RP1L1: variants seen among roughly 807,000 people sequenced by gnomAD.
The protein encoded by RP1L1 is RP1 like 1.
Under a neutral mutation model 15.7 loss-of-function variants are expected in RP1L1, and 27 were observed. That is an observed-to-expected ratio of 1.72 (90% CI 1.27 to 2.38). The LOEUF is 2.38. Among genes scored for constraint, RP1L1 ranks in the 30% most tolerant of loss-of-function variants. The pLI is 0.00. For synonymous variants in RP1L1, 1,813 were observed against 1,276.7 expected (o/e 1.42, Z -8.96); for missense variants, 4,798 against 3,075.9 (o/e 1.56, Z -13.24).
Position 10,606,771 on chromosome 8 carries a change from T to G in RP1L1, c.*124A>C, listed in dbSNP as rs1797709213. ...TGGCATGGGCTGTGTCCTTGGCAAG[T>G]CCTTGGTCTTTGTCCATGTACTATG... On this transcript the variant is annotated 3_prime_UTR_variant, in exon 4 of 4. Transcript: ENST00000382483. 1 of 1,518,712 alleles carries G rather than the reference T, an allele frequency of 6.6e-7. No individual in the cohort carries two copies. Among genetic ancestry groups the G allele is most frequent in the Non-Finnish European group, 8.8e-7 (1 of 1,131,170 alleles). 94.1% of individuals were successfully genotyped at this position (1,518,712 alleles called of 1,614,324 possible).
chr8:10,630,618 A>G (rs1366592457), intron 1 of RP1L1, among the ~76,000 whole-genome samples: 1 of 152,218 alleles, frequency 6.6e-6, no homozygotes, highest in Non-Finnish European at 1.5e-5. Flanking sequence ...ACCTCCCGGC[A>G]GGCAGCCTCC....
chr8:10,630,054 G>C (rs978705091), intron 1 of RP1L1, among the ~76,000 whole-genome samples: 1 of 152,146 alleles, frequency 6.6e-6, no homozygotes, highest in Non-Finnish European at 1.5e-5. Flanking sequence ...AGGGTGGTGA[G>C]GGGGTCTCCT....
In RP1L1 at chr8:10,623,006, C is replaced by T. The variant is rs760478436; in HGVS notation, c.196G>A (p.Asp66Asn). Residue 66 changes from aspartate (D) to asparagine (N), a missense_variant, in exon 2 of 4, where the codon GAC (aspartate) becomes AAC (asparagine). Coordinates refer to ENST00000382483, the MANE Select transcript of RP1L1 (RefSeq NM_178857.6). ...AGAGGCACGCGCTGGGAGAGCTCGT[C>T]CATGAGGGCGCTGAAGGTCTTAAAG... Reference protein sequence around the residue: ...RAFKTFSALMDELSQRVPLSF... With the variant: ...RAFKTFSALMNELSQRVPLSF... 1.2e-6 allele frequency: 2 copies of T among 1,614,134 alleles called. No homozygotes were observed. Among genetic ancestry groups the T allele is most frequent in the East Asian group, 2.2e-5 (1 of 44,880 alleles).
At chr8:10,645,250 C>A (rs1421763231) in intron 1 of RP1L1, among the ~76,000 whole-genome samples, 2 of 152,126 alleles carry the variant, frequency 1.3e-5, no homozygotes, top group African/African-American at 4.8e-5. Context: ...TCGCCTGAAC[C>A]CAGAAGATTG....
rs528558782 is a variant in RP1L1, at chr8:10,631,698, G to A, written c.-19-8478C>T. Among the ~76,000 whole-genome samples, 7 of 152,258 alleles carry A rather than the reference G, an allele frequency of 4.6e-5. No homozygotes were observed. The East Asian group carries it at 1.4e-3, about 29-fold the overall frequency. On this transcript the variant is annotated intron_variant, in intron 1 of 3. Coordinates refer to ENST00000382483, the MANE Select transcript of RP1L1 (RefSeq NM_178857.6). The stretch of plus-strand genomic sequence containing the variant: ...CAAGGCTGGAGCTGGCTCTCAGACC[G>A]CAAGCGCTGGGTTCTCTCTGCCAGT...
At chr8:10,617,177 C>T (rs567781863) in intron 2 of RP1L1, among the ~76,000 whole-genome samples, 2 of 152,108 alleles carry the variant, frequency 1.3e-5, no homozygotes, top group East Asian at 3.9e-4. Context: ...ATCAGAATGT[C>T]CCCTATGCAC....
rs1405044965 is a variant in RP1L1, at chr8:10,609,106, C to A, written c.4992G>T (p.Arg1664Ser). ...EEFCPCEACVRKKVSPMSPKA... is the reference protein window; with the variant it reads ...EEFCPCEACVSKKVSPMSPKA... ...TGGGGGACATAGGGCTCACTTTCTTCCTCACGCAGGCCTCGCAGGGACAGA... is the reference window on the plus strand; with the variant it reads ...TGGGGGACATAGGGCTCACTTTCTTACTCACGCAGGCCTCGCAGGGACAGA... The change falls in exon 4 of 4, where the codon AGG (arginine) becomes AGT (serine). Residue 1664 changes from arginine to serine, a missense_variant. Physicochemically the swap from Arg to Ser is moderately radical, Grantham distance 110. Coordinates refer to ENST00000382483, the MANE Select transcript of RP1L1 (RefSeq NM_178857.6). 1 of 1,613,618 alleles carries A rather than the reference C, an allele frequency of 6.2e-7. No individual in the cohort carries two copies. Among genetic ancestry groups the A allele is most frequent in the Admixed American group, 1.7e-5 (1 of 60,014 alleles).
rs529599384 is a variant in RP1L1 at position 10,626,817 on chromosome 8, C to T, written c.-19-3597G>A. On this transcript the variant is annotated intron_variant, in intron 1 of 3. Transcript: ENST00000382483. ...ACATTTCCACGAGAAAGCCACAGCA[C>T]GTCATCAAGTGTGATTTCGATTGAT... Among the ~76,000 whole-genome samples, 7 of 152,268 alleles carry T rather than the reference C, an allele frequency of 4.6e-5. No homozygotes were observed. The South Asian group carries it at 8.3e-4, about 18-fold the overall frequency.
In RP1L1 at chr8:10,616,531, A is replaced by C. The variant is rs775303181; in HGVS notation, c.666T>G (p.His222Gln). The C allele has an allele frequency of 3.1e-6, 5 of 1,614,106 alleles. No homozygotes were observed. In the South Asian group the frequency reaches 5.5e-5, roughly 18 times the overall value. Reference protein sequence around the residue: ...HSPSVLVCAGHEAFRTPAMKN... With the variant: ...HSPSVLVCAGQEAFRTPAMKN... ...TCATGGCTGGGGTTCTGAAGGCCTC[A>C]TGCCCGGCACACACCAGCACAGAGG... is the stretch of plus-strand genomic sequence containing the variant. The change falls in exon 3 of 4, where the codon CAT (histidine) becomes CAG (glutamine). Residue 222 changes from histidine (H) to glutamine (Q), a missense_variant. By Grantham distance (24) the His-to-Gln change is conservative. Coordinates refer to ENST00000382483, the MANE Select transcript of RP1L1 (RefSeq NM_178857.6).
In RP1L1 at chr8:10,612,606, T is replaced by C; in HGVS notation, c.1492A>G (p.Ser498Gly). The change falls in exon 4 of 4, where the codon AGC becomes GGC. Residue 498 changes from serine to glycine, a missense_variant. Transcript: ENST00000382483. ...QIGAERKAGGSLGEDPGLCID... is the reference protein window; with the variant it reads ...QIGAERKAGGGLGEDPGLCID... ...CATAGGCCGGGGTCCTCACCCAGGC[T>C]CCCTCCAGCTTTCCGCTCAGCCCCT... 1 of 1,602,370 alleles carries C rather than the reference T, an allele frequency of 6.2e-7. No individual in the cohort carries two copies. Among genetic ancestry groups the C allele is most frequent in the Non-Finnish European group, 8.5e-7 (1 of 1,179,274 alleles).
chr8:10,624,897 G>C (rs60518106), intron 1 of RP1L1, among the ~76,000 whole-genome samples: 261 of 152,302 alleles, frequency 1.7e-3, no homozygotes, highest in African/African-American at 6.1e-3. Flanking sequence ...GTGGGCCCCA[G>C]AGAGTGACAA....
At chr8:10,638,452 C>T (rs868235113) in intron 1 of RP1L1, among the ~76,000 whole-genome samples, 9 of 151,960 alleles carry the variant, frequency 5.9e-5, no homozygotes, top group Non-Finnish European at 1.0e-4. Context: ...TTTTATCCCA[C>T]GAAATTAGAT....
intron 1 of RP1L1, among the ~76,000 whole-genome samples, chr8:10,654,470 G>T (rs1263824666): frequency 1.3e-5 from 2 of 152,018 alleles, no homozygotes; most frequent in Non-Finnish European, 2.9e-5. Context: ...CCCAGAATCT[G>T]CTCCCACCCC....
chr8:10,606,858 C>CTCCCAA lies in RP1L1; in HGVS notation c.*31_*36dup. On this transcript the variant is annotated 3_prime_UTR_variant, in exon 4 of 4. Transcript: ENST00000382483. ...AGAAAAAATATGAATAAAAACAGAG[C>CTCCCAA]TCCCAAGCTCGTGATTGTTTTCTAG... is the stretch of plus-strand genomic sequence containing the variant. 2 of 1,613,126 alleles carry CTCCCAA rather than the reference C, an allele frequency of 1.2e-6. No homozygotes were observed. The highest frequency in any genetic ancestry group is 1.7e-6 in the Non-Finnish European group (2 of 1,180,012).
At chr8:10,629,503 G>A (rs76894923) in intron 1 of RP1L1, among the ~76,000 whole-genome samples, 3,281 of 152,286 alleles carry the variant, frequency 0.022, 87 homozygotes, top group African/African-American at 0.066. Flanking sequence ...GGTTTCCTTG[G>A]ATTCTGAGGC....
chr8:10,624,823 C>T (rs1798131113), intron 1 of RP1L1, among the ~76,000 whole-genome samples: 1 of 152,188 alleles, frequency 6.6e-6, no homozygotes, highest in Non-Finnish European at 1.5e-5. Flanking sequence ...ACAATTCTCT[C>T]CTTGGCTGAG....
At chr8:10,616,879 T>C (rs1340461378) in intron 2 of RP1L1, among the ~76,000 whole-genome samples, 2 of 152,228 alleles carry the variant, frequency 1.3e-5, no homozygotes, top group Non-Finnish European at 2.9e-5. Context: ...AAAAGACTTC[T>C]GTAGGCCGCA....
intron 1 of RP1L1, among the ~76,000 whole-genome samples, chr8:10,651,625 T>C (rs1798563415): frequency 6.6e-6 from 1 of 151,822 alleles, no homozygotes; most frequent in South Asian, 2.1e-4. Flanking sequence ...TACAGGAGGC[T>C]GAGGCAGGAG....
chr8:10,642,006 C>A (rs1798414246), intron 1 of RP1L1, among the ~76,000 whole-genome samples: 1 of 152,068 alleles, frequency 6.6e-6, no homozygotes, highest in East Asian at 1.9e-4. Context: ...TGGACGTGCC[C>A]TGTCTCTTGA....
Sources: allele counts gnomAD v4.1 joint callset (sites outside exome capture counted in the v4.1 genomes callset), GRCh38; gene constraint gnomAD v4.1.1; transcripts MANE v1.5; gene names NCBI Gene and HGNC (gene_info 2026-07-23, HGNC 2026-07-21).